Variants in OR52N4 observed in about 807,000 individuals in gnomAD.
OR52N4 encodes olfactory receptor 52N4.
OR52N4 carries 15 observed loss-of-function variants against 15.0 expected under a neutral mutation model. The observed-to-expected ratio is 1.00, with a 90% CI of 0.67 to 1.54. The LOEUF (loss-of-function observed/expected upper bound fraction) is 1.54. Among genes scored for constraint, OR52N4 ranks in the 40% most tolerant of loss-of-function variants. The pLI, the probability that OR52N4 is intolerant of heterozygous loss-of-function variation, is 0.00. For missense variants in OR52N4, 421 were observed against 394.0 expected (o/e 1.07, Z -0.58); for synonymous variants, 143 against 143.7 (o/e 1.00, Z 0.03).
At chr11:5,730,148 T>C in the OR52N4 span, among the ~76,000 whole-genome samples, 3 of 152,134 alleles carry the variant, frequency 2.0e-5, no homozygotes, top group Non-Finnish European at 4.4e-5. Flanking sequence ...CAGAAGTTGA[T>C]GTTTCCAGAG....
the OR52N4 span, chr11:5,736,508 T>C: frequency 6.2e-7 from 1 of 1,612,154 alleles, no homozygotes; most frequent in Non-Finnish European, 8.5e-7. Flanking sequence ...TTGAAATTCA[T>C]GTTGAATCAT....
At chr11:5,739,580 AAC>A in the OR52N4 span, among the ~76,000 whole-genome samples, 25 of 121,160 alleles carry the variant, frequency 2.1e-4, 5 homozygotes, top group African/African-American at 6.6e-4. Context: ...AAAAAAAAAA[AAC>A]CATGATAAGT....
chr11:5,731,692 G>T, the OR52N4 span, among the ~76,000 whole-genome samples: 1 of 151,960 alleles, frequency 6.6e-6, no homozygotes, highest in Non-Finnish European at 1.5e-5. Flanking sequence ...CCAATTTGAG[G>T]TAGGTCCCTG....
chr11:5,742,978 T>G, the OR52N4 span, among the ~76,000 whole-genome samples: 135 of 152,236 alleles, frequency 8.9e-4, no homozygotes, highest in African/African-American at 1.6e-3. Context: ...TATTCAAACA[T>G]GTGCTGCCTA....
upstream of OR52N4, among the ~76,000 whole-genome samples, chr11:5,750,211 A>G (rs1328707462): frequency 1.3e-5 from 2 of 151,956 alleles, no homozygotes; most frequent in Non-Finnish European, 2.9e-5. Flanking sequence ...TAATTTCTCT[A>G]CCTACTTCTA....
At chr11:5,752,977 T>C (rs1166159449), upstream of OR52N4, among the ~76,000 whole-genome samples, 2 of 152,194 alleles carry the variant, frequency 1.3e-5, no homozygotes, top group Admixed American at 6.5e-5. Context: ...TAGTCATAGA[T>C]TGTTTATTCT....
chr11:5,754,917 AC>A lies in OR52N4; in HGVS notation c.180del (p.Met61CysfsTer82), dbSNP rs1225252000. ...LIHYEDALHKPMYYFLAMLSF... is the reference protein window; with the variant it reads ...LIHYEDALHKXMYYFLAMLSF... ...TTCACTATGAGGATGCCCTGCACAA[AC>A]CCATGTACTACTTCTTGGCCATGCT... On this transcript the variant is annotated frameshift_variant, in exon 2 of 2. Transcript: ENST00000641350. LOFTEE classifies it high-confidence loss of function. 6.2e-7 allele frequency: 1 copy of A among 1,613,678 alleles called. No homozygotes were observed. Among genetic ancestry groups the A allele is most frequent in the Non-Finnish European group, 8.5e-7 (1 of 1,179,782 alleles).
the OR52N4 span, among the ~76,000 whole-genome samples, chr11:5,747,366 A>C: frequency 5.3e-5 from 8 of 152,156 alleles, no homozygotes; most frequent in African/African-American, 1.9e-4. Context: ...AAGTTCAAGA[A>C]ATTTATTGTA....
At chr11:5,749,419 C>T (rs1854143727), upstream of OR52N4, among the ~76,000 whole-genome samples, 4 of 151,844 alleles carry the variant, frequency 2.6e-5, no homozygotes, top group South Asian at 8.3e-4. Context: ...CCAAATCAAG[C>T]ATTAAAATTC....
chr11:5,745,909 A>G, the OR52N4 span, among the ~76,000 whole-genome samples: 1 of 152,144 alleles, frequency 6.6e-6, no homozygotes, highest in South Asian at 2.1e-4. Context: ...TGGTAACAAC[A>G]TTTTCTTTTT....
chr11:5,753,032 T>C (rs987082149), upstream of OR52N4, among the ~76,000 whole-genome samples: 2 of 152,210 alleles, frequency 1.3e-5, no homozygotes, highest in Non-Finnish European at 2.9e-5. Flanking sequence ...CAAAATTTAT[T>C]TACCCATTTG....
chr11:5,745,313 A>C, the OR52N4 span, among the ~76,000 whole-genome samples: 1 of 152,002 alleles, frequency 6.6e-6, no homozygotes, highest in Non-Finnish European at 1.5e-5. Flanking sequence ...GACTCATCCA[A>C]AAGACTCCTA....
chr11:5,750,174 C>T (rs1001898306), upstream of OR52N4, among the ~76,000 whole-genome samples: 12 of 151,708 alleles, frequency 7.9e-5, no homozygotes, highest in Non-Finnish European at 1.3e-4. Flanking sequence ...ATTCTATTTT[C>T]GGTTTAGGAG....
the OR52N4 span, among the ~76,000 whole-genome samples, chr11:5,732,998 T>TA: frequency 1.3e-5 from 2 of 152,288 alleles, no homozygotes; most frequent in Admixed American, 1.3e-4. Flanking sequence ...TTATAAAATT[T>TA]ACATCCAGTA....
chr11:5,748,945 A>T, the OR52N4 span, among the ~76,000 whole-genome samples: 3 of 151,962 alleles, frequency 2.0e-5, no homozygotes, highest in East Asian at 5.8e-4. Context: ...CTGAGAATGG[A>T]AAGTTCTTGT....
chr11:5,728,849 G>C, the OR52N4 span, among the ~76,000 whole-genome samples: 1 of 152,166 alleles, frequency 6.6e-6, no homozygotes, highest in South Asian at 2.1e-4. Context: ...GAGAGTACTA[G>C]TATATGGGCT....
At chr11:5,731,383 G>T in the OR52N4 span, among the ~76,000 whole-genome samples, 2 of 152,168 alleles carry the variant, frequency 1.3e-5, no homozygotes, top group Non-Finnish European at 2.9e-5. Flanking sequence ...AGCAGGGGAG[G>T]CAAGAATTGT....
At chr11:5,745,140 C>A in the OR52N4 span, among the ~76,000 whole-genome samples, 2 of 152,024 alleles carry the variant, frequency 1.3e-5, no homozygotes, top group South Asian at 2.1e-4. Flanking sequence ...CTGGAACAAG[C>A]CAAAGATGCC....
chr11:5,743,565 T>C, the OR52N4 span, among the ~76,000 whole-genome samples: 14 of 152,054 alleles, frequency 9.2e-5, no homozygotes, highest in Non-Finnish European at 1.6e-4. Context: ...AAACTAAAAA[T>C]TAATACCAAA....
Sources: allele counts gnomAD v4.1 joint callset (sites outside exome capture counted in the v4.1 genomes callset), GRCh38; gene constraint gnomAD v4.1.1; transcripts MANE v1.5; gene names NCBI Gene and HGNC (gene_info 2026-07-23, HGNC 2026-07-21).